The following LUZP2 variants were observed in gnomAD, a reference collection of about 807,000 sequenced individuals.
LUZP2 encodes leucine zipper protein 2.
A neutral mutation model predicts 51.6 loss-of-function variants in LUZP2; 52 were observed. That is an observed-to-expected ratio of 1.01 (90% CI 0.81 to 1.27). The LOEUF is 1.27. Ranked by LOEUF, LUZP2 falls within the 50% of genes most tolerant of loss-of-function variation. LUZP2 has a pLI of 0.00. For missense variants in LUZP2, 436 were observed against 395.4 expected, an observed-to-expected ratio of 1.10 and a Z score of -0.87; for synonymous variants, 154 against 137.3, an observed-to-expected ratio of 1.12 and a Z score of -0.85.
chr11:24,755,324 G>A (rs1387515509), intron 4 of LUZP2, among the ~76,000 whole-genome samples: 1 of 151,994 alleles, frequency 6.6e-6, no homozygotes, highest in African/African-American at 2.4e-5. Context: ...CTCCCACATT[G>A]ACCACCTTTT....
chr11:24,609,616 G>C (rs1854047660), intron 1 of LUZP2, among the ~76,000 whole-genome samples: 1 of 149,822 alleles, frequency 6.7e-6, no homozygotes, highest in African/African-American at 2.5e-5. Flanking sequence ...TGTAATCCCA[G>C]CTACTCGGAA....
intron 1 of LUZP2, among the ~76,000 whole-genome samples, chr11:24,700,011 C>T (rs940926357): frequency 1.3e-5 from 2 of 150,988 alleles, no homozygotes; most frequent in Non-Finnish European, 2.9e-5. Flanking sequence ...ACTCCCTCTC[C>T]CAAGAAAACT....
chr11:24,643,444 T>A (rs989552171), intron 1 of LUZP2, among the ~76,000 whole-genome samples: 3 of 151,536 alleles, frequency 2.0e-5, no homozygotes, highest in Non-Finnish European at 4.4e-5. Flanking sequence ...GAACTAGGAG[T>A]CAATTCTTTC....
chr11:25,016,498 G>C (rs989744683), intron 9 of LUZP2, among the ~76,000 whole-genome samples: 1 of 151,636 alleles, frequency 6.6e-6, no homozygotes, highest in Admixed American at 6.6e-5. Context: ...TCTTTTTAAG[G>C]CTGCATAGTA....
intron 6 of LUZP2, among the ~76,000 whole-genome samples, chr11:24,906,633 T>C (rs945146350): frequency 2.0e-4 from 30 of 152,294 alleles, no homozygotes; most frequent in African/African-American, 7.2e-4. Context: ...AATGTGAAAA[T>C]GTAGCTCATA....
At chr11:24,927,572 T>A (rs958552565) in intron 7 of LUZP2, among the ~76,000 whole-genome samples, 7 of 152,096 alleles carry the variant, frequency 4.6e-5, no homozygotes, top group African/African-American at 1.7e-4. Context: ...TATTTCTTAG[T>A]TTTATATTCT....
At chr11:25,066,791 A>G (rs368864651) in intron 10 of LUZP2, among the ~76,000 whole-genome samples, 8 of 152,088 alleles carry the variant, frequency 5.3e-5, no homozygotes, top group African/African-American at 1.9e-4. Flanking sequence ...ATAAAGGGGT[A>G]AATGCCATTA....
intron 6 of LUZP2, among the ~76,000 whole-genome samples, chr11:24,908,654 A>T (rs1853533153): frequency 6.6e-6 from 1 of 152,076 alleles, no homozygotes; most frequent in South Asian, 2.1e-4. Flanking sequence ...ATTAATATAT[A>T]TTATAAAAAA....
At chr11:24,518,936 T>G (rs1382139899) in intron 1 of LUZP2, among the ~76,000 whole-genome samples, 1 of 152,222 alleles carries the variant, frequency 6.6e-6, no homozygotes, top group Non-Finnish European at 1.5e-5. Flanking sequence ...AGCTGAGTTC[T>G]GATTATTTTG....
In LUZP2 at chr11:24,735,257, C is replaced by T. The variant is rs16913159; in HGVS notation, c.252-2964C>T. Among the ~76,000 whole-genome samples, 1,256 of 151,862 alleles carry T rather than the reference C, an allele frequency of 8.3e-3. 23 individuals carry two copies. The highest frequency in any genetic ancestry group is 0.048 in the Admixed American group (730 of 15,202). ...GAGAGTCATGTTGGCTTGAGCGTCA[C>T]GTTTCAGGAATATTTACACAGCCTT... On this transcript the variant is annotated intron_variant, in intron 3 of 11. Transcript: ENST00000336930.
intron 4 of LUZP2, among the ~76,000 whole-genome samples, chr11:24,747,583 C>A (rs953518365): frequency 7.9e-5 from 12 of 152,080 alleles, no homozygotes; most frequent in Admixed American, 2.0e-4. Context: ...TGGAGACAAA[C>A]CAACAGTGAG....
chr11:24,737,194 T>TA (rs1858975062), intron 3 of LUZP2, among the ~76,000 whole-genome samples: 1 of 152,068 alleles, frequency 6.6e-6, no homozygotes, highest in Non-Finnish European at 1.5e-5. Flanking sequence ...GTGCTTTGCT[T>TA]ACGTTCTGTC....
At chr11:25,021,643 G>C (rs1055765875) in intron 9 of LUZP2, among the ~76,000 whole-genome samples, 1 of 152,030 alleles carries the variant, frequency 6.6e-6, no homozygotes, top group East Asian at 1.9e-4. Flanking sequence ...GTTTGAAAGA[G>C]CTTCTGTTCC....
chr11:24,712,583 G>A (rs1410040136), intron 1 of LUZP2, among the ~76,000 whole-genome samples: 1 of 152,118 alleles, frequency 6.6e-6, no homozygotes, highest in African/African-American at 2.4e-5. Context: ...TGATGTGGGG[G>A]ATAAGAAATT....
chr11:24,887,604 T>C (rs1852711988), intron 5 of LUZP2, among the ~76,000 whole-genome samples: 1 of 152,186 alleles, frequency 6.6e-6, no homozygotes, highest in Non-Finnish European at 1.5e-5. Flanking sequence ...CACTGGAAAT[T>C]GTGCCAAAGG....
chr11:24,669,496 A>G (rs1856331100), intron 1 of LUZP2, among the ~76,000 whole-genome samples: 1 of 152,078 alleles, frequency 6.6e-6, no homozygotes, highest in Admixed American at 6.6e-5. Flanking sequence ...TAATGCTACA[A>G]TTGTTTTAAA....
intron 9 of LUZP2, among the ~76,000 whole-genome samples, chr11:25,032,728 A>G (rs1857726950): frequency 1.3e-5 from 2 of 152,204 alleles, no homozygotes; most frequent in South Asian, 4.1e-4. Context: ...TATCAAATTG[A>G]ATAAAAGCAC....
At chr11:25,059,686 T>G (rs1858779847) in intron 10 of LUZP2, among the ~76,000 whole-genome samples, 1 of 152,156 alleles carries the variant, frequency 6.6e-6, no homozygotes, top group African/African-American at 2.4e-5. Flanking sequence ...GATGAATGCT[T>G]GATTACTGAG....
At chr11:24,908,573 T>C (rs1004620882) in intron 6 of LUZP2, among the ~76,000 whole-genome samples, 8 of 152,188 alleles carry the variant, frequency 5.3e-5, no homozygotes, top group African/African-American at 1.9e-4. Context: ...GTTATCCTTT[T>C]GATAATTTTA....
Sources: gnomAD v4.1 joint callset for allele counts (sites outside exome capture counted in the v4.1 genomes callset) on GRCh38, gnomAD v4.1.1 for gene constraint, MANE v1.5 for transcripts, NCBI Gene and HGNC (gene_info 2026-07-23, HGNC 2026-07-21) for gene names.